Variants in GARIN2 observed in about 807,000 individuals in gnomAD.
GARIN2 encodes the protein golgi associated RAB2 interactor family member 2, also known as Golgi-associated RAB2 interactor protein 2.
chr14:67,205,692 A>T, the GARIN2 span, among the ~76,000 whole-genome samples: 27 of 152,224 alleles, frequency 1.8e-4, no homozygotes, highest in Non-Finnish European at 3.4e-4. Context: ...AGAATATAGG[A>T]CTGGAAAGTT....
chr14:67,192,864 A>G, the GARIN2 span, among the ~76,000 whole-genome samples: 1 of 146,766 alleles, frequency 6.8e-6, no homozygotes, highest in African/African-American at 2.5e-5. Flanking sequence ...ATACAGATAT[A>G]TATAGATATA....
At chr14:67,212,088 T>C in the GARIN2 span, among the ~76,000 whole-genome samples, 1 of 152,162 alleles carries the variant, frequency 6.6e-6, no homozygotes, top group Non-Finnish European at 1.5e-5. Flanking sequence ...AAGTCAAATA[T>C]AGGTGTGCTC....
At chr14:67,196,043 C>A in the GARIN2 span, among the ~76,000 whole-genome samples, 1 of 152,076 alleles carries the variant, frequency 6.6e-6, no homozygotes, top group African/African-American at 2.4e-5. Flanking sequence ...ACCTTGGCCT[C>A]CTAAATAATG....
the GARIN2 span, among the ~76,000 whole-genome samples, chr14:67,228,119 G>A: frequency 0.012 from 1,828 of 150,302 alleles, 19 homozygotes; most frequent in Non-Finnish European, 0.018. Context: ...GCAGTGAGCC[G>A]AGATTGTGCC....
chr14:67,221,879 G>C, the GARIN2 span: 2 of 1,577,418 alleles, frequency 1.3e-6, no homozygotes, highest in East Asian at 2.3e-5. Flanking sequence ...GTTCCTAGAA[G>C]AGTAGTGTGG....
chr14:67,209,073 G>A, the GARIN2 span, among the ~76,000 whole-genome samples: 4 of 152,196 alleles, frequency 2.6e-5, no homozygotes, highest in African/African-American at 9.6e-5. Flanking sequence ...CTCATTTACA[G>A]AGGAAAGATC....
the GARIN2 span, among the ~76,000 whole-genome samples, chr14:67,194,087 G>C: frequency 6.6e-6 from 1 of 151,926 alleles, no homozygotes; most frequent in African/African-American, 2.4e-5. Context: ...CTAAGGCCAG[G>C]CACAGTGACT....
At chr14:67,215,965 TA>T in the GARIN2 span, among the ~76,000 whole-genome samples, 59 of 152,312 alleles carry the variant, frequency 3.9e-4, no homozygotes, top group Non-Finnish European at 6.2e-4. Flanking sequence ...TAATGCCTTT[TA>T]AAAAATTGAT....
the GARIN2 span, chr14:67,199,231 A>G: frequency 1.1e-5 from 17 of 1,604,104 alleles, no homozygotes; most frequent in Non-Finnish European, 1.4e-5. Flanking sequence ...CAAGGCTATG[A>G]CTTTGTGAAT....
the GARIN2 span, among the ~76,000 whole-genome samples, chr14:67,190,510 G>A: frequency 0.07 from 10,632 of 152,084 alleles, 381 homozygotes; most frequent in Middle Eastern, 0.088. Context: ...GGCGTGAGCC[G>A]TTGTGCCCGG....
the GARIN2 span, among the ~76,000 whole-genome samples, chr14:67,213,941 T>C: frequency 6.6e-6 from 1 of 152,218 alleles, no homozygotes; most frequent in African/African-American, 2.4e-5. Flanking sequence ...TTTCATGTGT[T>C]TTTTGGCTGC....
the GARIN2 span, among the ~76,000 whole-genome samples, chr14:67,219,624 T>C: frequency 6.6e-6 from 1 of 152,228 alleles, no homozygotes; most frequent in Non-Finnish European, 1.5e-5. Context: ...CAGCAGGTAC[T>C]GTTTCATTAG....
chr14:67,191,426 A>G, the GARIN2 span, among the ~76,000 whole-genome samples: 1 of 152,236 alleles, frequency 6.6e-6, no homozygotes, highest in African/African-American at 2.4e-5. Flanking sequence ...TTTTAGGGGC[A>G]TGTACAGACA....
chr14:67,221,919 T>C, the GARIN2 span: 1 of 1,351,448 alleles, frequency 7.4e-7, no homozygotes, highest in Non-Finnish European at 1.0e-6. Context: ...GCTAGACTTT[T>C]TGATGCATTT....
At chr14:67,209,852 A>G in the GARIN2 span, among the ~76,000 whole-genome samples, 4 of 151,686 alleles carry the variant, frequency 2.6e-5, no homozygotes, top group Non-Finnish European at 5.9e-5. Context: ...ACGAAAAAGT[A>G]TAATAGATTA....
At chr14:67,198,310 A>G in the GARIN2 span, 311 of 1,612,988 alleles carry the variant, frequency 1.9e-4, no homozygotes, top group African/African-American at 3.6e-3. Flanking sequence ...TTAGAGAGCA[A>G]TTTTATCCAG....
At chr14:67,203,117 T>C in the GARIN2 span, 1 of 1,613,478 alleles carries the variant, frequency 6.2e-7, no homozygotes. Context: ...GTGAATCCAT[T>C]TACCTTCATA....
the GARIN2 span, chr14:67,198,188 C>G: frequency 1.2e-6 from 2 of 1,613,594 alleles, no homozygotes; most frequent in Non-Finnish European, 1.7e-6. Flanking sequence ...GCAAGACTAC[C>G]ATGAGGATCA....
the GARIN2 span, among the ~76,000 whole-genome samples, chr14:67,201,249 G>A: frequency 6.6e-6 from 1 of 152,186 alleles, no homozygotes; most frequent in Non-Finnish European, 1.5e-5. Context: ...AGCTAGGATG[G>A]CGCTACTGCA....
Sources: gnomAD v4.1 joint callset for allele counts (sites outside exome capture counted in the v4.1 genomes callset) on GRCh38, gnomAD v4.1.1 for gene constraint, MANE v1.5 for transcripts, NCBI Gene and HGNC (gene_info 2026-07-23, HGNC 2026-07-21) for gene names.